The following KMT2C variants were observed in gnomAD, a reference collection of about 807,000 sequenced individuals.
KMT2C encodes histone-lysine N-methyltransferase 2C.
A neutral mutation model predicts 507.9 loss-of-function variants in KMT2C; 88 were observed. The observed-to-expected ratio is 0.17, with a 90% CI of 0.15 to 0.21. KMT2C has a LOEUF of 0.21. KMT2C is among the 10% of genes least tolerant of loss of function. The pLI is 1.00. For synonymous variants in KMT2C, 2,049 were observed against 2,080.8 expected (o/e 0.98, Z 0.42); for missense variants, 4,954 against 5,957.8 (o/e 0.83, Z 5.55).
At chr7:152,188,614 TTTTTTTTTTTG>T (rs2093696673) in intron 31 of KMT2C, among the ~76,000 whole-genome samples, 2 of 132,628 alleles carry the variant, frequency 1.5e-5, no homozygotes, top group South Asian at 2.3e-4. Flanking sequence ...CCTTTTTTTT[TTTTTTTTTTTG>T]TTTTTGAGAT....
intron 31 of KMT2C, among the ~76,000 whole-genome samples, chr7:152,189,782 T>C (rs760133046): frequency 6.6e-6 from 1 of 152,208 alleles, no homozygotes; most frequent in Non-Finnish European, 1.5e-5. Context: ...GACACTTACA[T>C]TTACTCCAAG....
chr7:152,254,158 G>C (rs1290646376), intron 9 of KMT2C, among the ~76,000 whole-genome samples: 1 of 152,100 alleles, frequency 6.6e-6, no homozygotes, highest in Non-Finnish European at 1.5e-5. Context: ...GCACAGAACT[G>C]TGGTGTCATC....
rs144222590 is a variant in KMT2C at position 152,158,943 on chromosome 7, G to A, written c.11590C>T (p.Arg3864Cys). The A allele has an allele frequency of 9.3e-6, 15 of 1,613,984 alleles. No homozygotes were observed. Among genetic ancestry groups the A allele is most frequent in the East Asian group, 2.2e-5 (1 of 44,888 alleles). ...TQRTGEKAAP[R>C]SKKRKKDEEE... ...TCGTCCTTTTTCCTTTTCTTTGAGC[G>A]AGGTGCTGCTTTCTCACCCGTCCTC... The change falls in exon 44 of 59, where the codon CGC (arginine) becomes TGC (cysteine). Residue 3864 changes from arginine to cysteine, a missense_variant. Transcript: ENST00000262189.
At chr7:152,247,288 A>G (rs1323637876) in intron 14 of KMT2C, among the ~76,000 whole-genome samples, 3 of 152,216 alleles carry the variant, frequency 2.0e-5, no homozygotes, top group East Asian at 1.9e-4. Flanking sequence ...TAGAATGTAC[A>G]TGATGTAAAG....
intron 6 of KMT2C, among the ~76,000 whole-genome samples, chr7:152,291,478 A>T (rs1281208429): frequency 9.9e-5 from 15 of 152,276 alleles, no homozygotes; most frequent in Non-Finnish European, 2.1e-4. Context: ...AAGCTTTGTA[A>T]ATTTGTCCAA....
chr7:152,353,438 T>C (rs1372820029), intron 2 of KMT2C, among the ~76,000 whole-genome samples: 1 of 152,168 alleles, frequency 6.6e-6, no homozygotes, highest in Non-Finnish European at 1.5e-5. Context: ...ACTTTCCCAA[T>C]GGCTACTCCT....
At chr7:152,147,291 A>C (rs571072434) in intron 52 of KMT2C, among the ~76,000 whole-genome samples, 2 of 152,256 alleles carry the variant, frequency 1.3e-5, no homozygotes, top group East Asian at 3.9e-4. Context: ...TCCATCTCTA[A>C]ACTTACGTAA....
At chr7:152,346,324 C>T (rs1346076958) in intron 2 of KMT2C, among the ~76,000 whole-genome samples, 1 of 152,192 alleles carries the variant, frequency 6.6e-6, no homozygotes, top group South Asian at 2.1e-4. Flanking sequence ...AGGTAGACCA[C>T]ATTCTGAGCC....
At chr7:152,368,368 G>T in intron 1 of KMT2C, 1 of 1,104,810 alleles carries the variant, frequency 9.1e-7, no homozygotes, top group South Asian at 1.3e-5. Flanking sequence ...GGCACAAATG[G>T]AAGAAGAAAG....
intron 28 of KMT2C, 143 bp from the exon 29 acceptor site, chr7:152,194,711 T>C (rs1198830902): frequency 1.1e-5 from 6 of 543,590 alleles, no homozygotes; most frequent in South Asian, 6.9e-5. Flanking sequence ...AGAATTCTCA[T>C]ATCAATTTGG....
chr7:152,213,875 C>CA (rs4024334), intron 23 of KMT2C, among the ~76,000 whole-genome samples: 2 of 151,522 alleles, frequency 1.3e-5, no homozygotes, highest in Admixed American at 6.6e-5. Context: ...AACTCAGTAG[C>CA]AAAAAAATCC....
At chr7:152,410,229 G>A (rs550656583) in intron 1 of KMT2C, among the ~76,000 whole-genome samples, 5 of 152,378 alleles carry the variant, frequency 3.3e-5, no homozygotes, top group Admixed American at 3.3e-4. Context: ...GACCAACATG[G>A]TGAAACCCCG....
At chr7:152,175,084 A>C (rs1037689499) in intron 38 of KMT2C, among the ~76,000 whole-genome samples, 6 of 152,112 alleles carry the variant, frequency 3.9e-5, no homozygotes, top group Admixed American at 3.3e-4. Flanking sequence ...AATTGAGGGA[A>C]GTTTGTAACT....
intron 1 of KMT2C, among the ~76,000 whole-genome samples, chr7:152,371,963 A>G (rs2097296576): frequency 6.6e-6 from 1 of 151,998 alleles, no homozygotes; most frequent in African/African-American, 2.4e-5. Context: ...TACAAGATAC[A>G]TGAAACAGAA....
In KMT2C at chr7:152,183,034, A is replaced by G. The variant is rs1378879044; in HGVS notation, c.5205T>C (p.Leu1735=). ...CTCTTTGCTTTAAAGGATCTTTAAA[A>G]AGCTCCGAATCAATACGAGAGCTGG... ...IDPSSRIDSE[L]FKDPLKQRES... is the part of the protein sequence containing the mutation. Residue 1735 remains leucine, a synonymous_variant, in exon 35 of 59, where the codon CTT becomes CTC. Transcript: ENST00000262189. The G allele has an allele frequency of 4.3e-6, 7 of 1,609,996 alleles. No homozygotes were observed. The highest frequency in any genetic ancestry group is 2.7e-5 in the African/African-American group (2 of 74,700).
chr7:152,259,981 C>CTA (rs34163880), intron 9 of KMT2C, among the ~76,000 whole-genome samples: 20,920 of 152,084 alleles, frequency 0.14, 3,775 homozygotes, highest in African/African-American at 0.41. Flanking sequence ...ATGAAAAACT[C>CTA]TGGTAACTAT....
At chr7:152,272,917 G>A (rs2096004840) in intron 7 of KMT2C, among the ~76,000 whole-genome samples, 1 of 151,954 alleles carries the variant, frequency 6.6e-6, no homozygotes, top group Admixed American at 6.6e-5. Flanking sequence ...CTAACATTAG[G>A]TAACTAAGAG....
chr7:152,139,145 A>G (rs2090222089), intron 57 of KMT2C, 41 bp downstream of exon 57: 2 of 1,597,840 alleles, frequency 1.3e-6, no homozygotes, highest in Non-Finnish European at 1.7e-6. Flanking sequence ...CACTGGCCCC[A>G]CAAGCAAAAG....
In KMT2C at chr7:152,162,322, G is replaced by C; in HGVS notation, c.11255C>G (p.Pro3752Arg). The C allele has an allele frequency of 6.2e-7, 1 of 1,614,218 alleles. No individual in the cohort carries two copies. Among genetic ancestry groups the C allele is most frequent in the African/African-American group, 1.3e-5 (1 of 75,052 alleles). Residue 3752 changes from proline (P) to arginine (R), a missense_variant, in exon 43 of 59, where the codon CCT becomes CGT. Transcript: ENST00000262189. ...GGGAGGACTCTGTGCTGAGGAGACA[G>C]GACAGGCTACAGCGTTTCCTTCTAC... is the stretch of plus-strand genomic sequence containing the variant. ...SKVEGNAVACPVSSAQSPPHS... is the reference protein window; with the variant it reads ...SKVEGNAVACRVSSAQSPPHS...
Sources: gnomAD v4.1 joint callset for allele counts (sites outside exome capture counted in the v4.1 genomes callset) on GRCh38, gnomAD v4.1.1 for gene constraint, MANE v1.5 for transcripts, NCBI Gene and HGNC (gene_info 2026-07-23, HGNC 2026-07-21) for gene names.